Variants in CTNNA3 observed in about 807,000 individuals in gnomAD.
CTNNA3 encodes catenin alpha-3.
In CTNNA3, 76 loss-of-function variants were observed where a neutral mutation model predicts 95.7. The ratio of observed to expected loss-of-function variants is 0.79; its 90% CI spans 0.66 to 0.96. The LOEUF is 0.96. Among genes scored for constraint, CTNNA3 ranks in the 40% least tolerant of loss-of-function variants. The pLI is 0.00. For missense variants in CTNNA3, 1,191 were observed against 1,089.8 expected (o/e 1.09, Z -1.31); for synonymous variants, 431 against 374.4 (o/e 1.15, Z -1.74).
Position 67,724,916 on chromosome 10 carries a change from C to T in CTNNA3, c.-2+38518G>A, listed in dbSNP as rs185072305. On this transcript the variant is annotated intron_variant, in intron 1 of 17. Transcript: ENST00000684154. ...TTATACAACAACTTGCCAGTGCTCA[C>T]GTAAGAATTTCATATACCAAAACCT... Among the ~76,000 whole-genome samples the T allele has an allele frequency of 3.2e-3, 480 of 152,142 alleles. 2 individuals carry two copies. Among genetic ancestry groups the T allele is most frequent in the Admixed American group, 6.4e-3 (98 of 15,252 alleles).
At chr10:66,690,151 C>T (rs1204228062) in intron 9 of CTNNA3, among the ~76,000 whole-genome samples, 1 of 151,992 alleles carries the variant, frequency 6.6e-6, no homozygotes, top group African/African-American at 2.4e-5. Flanking sequence ...TGGGAGTATG[C>T]ATGTATATGT....
At chr10:67,329,028 CTAA>C (rs1267348979) in intron 5 of CTNNA3, among the ~76,000 whole-genome samples, 1 of 152,146 alleles carries the variant, frequency 6.6e-6, no homozygotes, top group Non-Finnish European at 1.5e-5. Context: ...ATCACTCTTT[CTAA>C]TTGATTTATC....
intron 17 of CTNNA3, among the ~76,000 whole-genome samples, chr10:65,950,842 C>CT (rs574328878): frequency 2.0e-5 from 3 of 152,010 alleles, no homozygotes; most frequent in African/African-American, 4.8e-5. Flanking sequence ...CACATCTATA[C>CT]TTTTTTTTAT....
At chr10:66,868,883 A>G (rs552276596) in intron 7 of CTNNA3, among the ~76,000 whole-genome samples, 1 of 152,350 alleles carries the variant, frequency 6.6e-6, no homozygotes, top group African/African-American at 2.4e-5. Flanking sequence ...TAAAAGTTAG[A>G]GATGATGAGC....
chr10:66,374,005 T>C (rs78347754), intron 12 of CTNNA3, among the ~76,000 whole-genome samples: 1 of 152,184 alleles, frequency 6.6e-6, no homozygotes, highest in Non-Finnish European at 1.5e-5. Context: ...GTTGTTTTCC[T>C]CCTGAATTGG....
intron 1 of CTNNA3, among the ~76,000 whole-genome samples, chr10:67,678,966 A>G (rs1465263567): frequency 3.9e-5 from 6 of 152,208 alleles, no homozygotes; most frequent in Non-Finnish European, 8.8e-5. Context: ...TTTCATATTA[A>G]CAAGTAATAG....
intron 5 of CTNNA3, among the ~76,000 whole-genome samples, chr10:67,480,306 G>T (rs1848170149): frequency 6.6e-6 from 1 of 152,148 alleles, no homozygotes; most frequent in African/African-American, 2.4e-5. Flanking sequence ...AAAACTACAG[G>T]CCAATATCCC....
intron 7 of CTNNA3, among the ~76,000 whole-genome samples, chr10:67,096,161 C>T (rs984830623): frequency 6.6e-6 from 1 of 151,676 alleles, no homozygotes; most frequent in South Asian, 2.1e-4. Flanking sequence ...CCGAAATATT[C>T]ATATTATAAG....
At chr10:67,433,574 C>G (rs570307186) in intron 5 of CTNNA3, among the ~76,000 whole-genome samples, 1 of 151,898 alleles carries the variant, frequency 6.6e-6, no homozygotes. Flanking sequence ...CACAATAAAA[C>G]GAGGTATGCC....
At chr10:67,330,990 A>G (rs989612694) in intron 5 of CTNNA3, among the ~76,000 whole-genome samples, 1 of 152,242 alleles carries the variant, frequency 6.6e-6, no homozygotes, top group African/African-American at 2.4e-5. Context: ...AATATTATGA[A>G]AATACTTTAA....
intron 16 of CTNNA3, among the ~76,000 whole-genome samples, chr10:65,971,156 C>CA (rs1351222757): frequency 1.3e-5 from 2 of 151,668 alleles, no homozygotes; most frequent in Non-Finnish European, 2.9e-5. Flanking sequence ...TAGGATGTAG[C>CA]AAAAGTGCTG....
chr10:67,517,919 C>T (rs1003890553), intron 5 of CTNNA3, among the ~76,000 whole-genome samples: 12 of 152,086 alleles, frequency 7.9e-5, no homozygotes, highest in Admixed American at 7.9e-4. Flanking sequence ...CCTTATGGAA[C>T]TTACAACCTA....
intron 7 of CTNNA3, among the ~76,000 whole-genome samples, chr10:67,155,548 TG>T (rs869085699): frequency 4.3e-5 from 1 of 23,286 alleles, no homozygotes; most frequent in African/African-American, 7.0e-4. Flanking sequence ...TGTGTGTGTG[TG>T]TTGTACATTC....
chr10:66,002,013 G>A (rs2078780343), intron 15 of CTNNA3, among the ~76,000 whole-genome samples: 1 of 152,080 alleles, frequency 6.6e-6, no homozygotes, highest in South Asian at 2.1e-4. Flanking sequence ...TACTCTTAGT[G>A]ACAGATATTT....
intron 6 of CTNNA3, among the ~76,000 whole-genome samples, chr10:67,193,619 G>A (rs953402332): frequency 6.6e-6 from 1 of 151,942 alleles, no homozygotes; most frequent in Non-Finnish European, 1.5e-5. Context: ...GCTCCAGTTT[G>A]CTTAGAATAA....
At chr10:66,148,576 G>C (rs72795333) in intron 13 of CTNNA3, among the ~76,000 whole-genome samples, 5 of 152,020 alleles carry the variant, frequency 3.3e-5, no homozygotes, top group Non-Finnish European at 7.4e-5. Flanking sequence ...CATTATGTGA[G>C]GATACAGTAC....
At chr10:66,845,717 A>T (rs1317722713) in intron 7 of CTNNA3, among the ~76,000 whole-genome samples, 46 of 130,598 alleles carry the variant, frequency 3.5e-4, no homozygotes, top group Non-Finnish European at 4.6e-4. Context: ...AAAAAAAAAA[A>T]AAAAAAAAAA....
At chr10:67,520,026 C>T (rs972138905) in intron 5 of CTNNA3, among the ~76,000 whole-genome samples, 6 of 152,116 alleles carry the variant, frequency 3.9e-5, no homozygotes, top group African/African-American at 9.7e-5. Context: ...CCCAGTTTCA[C>T]GCCTTATTAG....
At chr10:66,158,084 T>G (rs2084640294) in intron 13 of CTNNA3, among the ~76,000 whole-genome samples, 1 of 152,166 alleles carries the variant, frequency 6.6e-6, no homozygotes, top group African/African-American at 2.4e-5. Flanking sequence ...ATGTACAGAT[T>G]GTGAAGATTT....
Sources: allele counts gnomAD v4.1 joint callset (sites outside exome capture counted in the v4.1 genomes callset), GRCh38; gene constraint gnomAD v4.1.1; transcripts MANE v1.5; gene names NCBI Gene and HGNC (gene_info 2026-07-23, HGNC 2026-07-21).